Variants in LSAMP observed in about 807,000 individuals in gnomAD.
The protein encoded by LSAMP is limbic system-associated membrane protein.
In LSAMP, 7 loss-of-function variants were observed where a neutral mutation model predicts 38.6. The ratio of observed to expected loss-of-function variants is 0.18; its 90% CI spans 0.10 to 0.34. The LOEUF (loss-of-function observed/expected upper bound fraction) is 0.34, where lower values mean the gene tolerates loss of function less well. Among genes scored for constraint, LSAMP ranks in the 10% least tolerant of loss-of-function variants. LSAMP has a pLI of 1.00. For synonymous variants in LSAMP, 154 were observed against 166.8 expected, an observed-to-expected ratio of 0.92 and a Z score of 0.59; for missense variants, 313 against 420.0, an observed-to-expected ratio of 0.75 and a Z score of 2.23.
intron 1 of LSAMP, 35 bp from the exon 2 acceptor site, chr3:116,086,591 C>A (rs1707994258): frequency 1.3e-6 from 2 of 1,524,992 alleles, no homozygotes; most frequent in Non-Finnish European, 1.8e-6. Flanking sequence ...AGTGCCTTAA[C>A]AACAACTATT....
intron 6 of LSAMP, among the ~76,000 whole-genome samples, chr3:115,823,874 C>T (rs185315493): frequency 2.4e-4 from 37 of 152,262 alleles, no homozygotes; most frequent in African/African-American, 8.4e-4. Context: ...TGATGAGGTC[C>T]TACTGACCAG....
At chr3:115,980,409 AAGG>A (rs1434844220) in intron 3 of LSAMP, among the ~76,000 whole-genome samples, 11 of 152,092 alleles carry the variant, frequency 7.2e-5, no homozygotes, top group Non-Finnish European at 1.6e-4. Context: ...TTCTGTGTAA[AAGG>A]AAAATAAGCC....
chr3:115,859,149 C>T (rs568333248), intron 3 of LSAMP, among the ~76,000 whole-genome samples: 19 of 152,288 alleles, frequency 1.2e-4, no homozygotes, highest in Admixed American at 1.1e-3. Context: ...ACCTGAGAGA[C>T]CCCTTAGTGT....
Position 116,270,254 on chromosome 3 carries a change from G to A in LSAMP, c.155+174623C>T, listed in dbSNP as rs909045072. Among the ~76,000 whole-genome samples the A allele has an allele frequency of 2.6e-5, 4 of 152,058 alleles. No individual in the cohort carries two copies. The South Asian group carries it at 8.3e-4, about 32-fold the overall frequency. ...GGAAATTTTCACTGTGATGATAAAC[G>A]GAAATGATAAAAGACTGCTGCTGTA... On this transcript the variant is annotated intron_variant, in intron 1 of 6. Coordinates refer to ENST00000490035, the MANE Select transcript of LSAMP (RefSeq NM_002338.5).
intron 1 of LSAMP, among the ~76,000 whole-genome samples, chr3:116,265,121 G>A (rs1239132545): frequency 6.6e-6 from 1 of 151,966 alleles, no homozygotes; most frequent in Admixed American, 6.5e-5. Flanking sequence ...CGATTTTGAA[G>A]GGTTTTAGGA....
chr3:116,168,344 G>T (rs1405170100), intron 1 of LSAMP, among the ~76,000 whole-genome samples: 1 of 151,868 alleles, frequency 6.6e-6, no homozygotes, highest in Non-Finnish European at 1.5e-5. Flanking sequence ...GAGAATCAAA[G>T]AACATTCATT....
At chr3:116,241,924 A>G (rs2046540950) in intron 1 of LSAMP, among the ~76,000 whole-genome samples, 1 of 152,256 alleles carries the variant, frequency 6.6e-6, no homozygotes. Context: ...ATTTGGATTC[A>G]TCACCTTTCA....
At chr3:116,320,777 A>G (rs2047696991) in intron 1 of LSAMP, among the ~76,000 whole-genome samples, 1 of 152,140 alleles carries the variant, frequency 6.6e-6, no homozygotes, top group African/African-American at 2.4e-5. Flanking sequence ...TGGCAGCACT[A>G]GCACAGTGAC....
At chr3:116,021,924 T>G (rs537601080) in intron 2 of LSAMP, among the ~76,000 whole-genome samples, 1 of 152,186 alleles carries the variant, frequency 6.6e-6, no homozygotes, top group East Asian at 1.9e-4. Context: ...AAGTTGGGAA[T>G]AAAATCTAGA....
Position 116,318,068 on chromosome 3 carries a change from G to A in LSAMP, c.155+126809C>T, listed in dbSNP as rs565122130. 1.0e-4 allele frequency among the ~76,000 whole-genome samples: 15 copies of A among 149,986 alleles called. No individual in the cohort carries two copies. In the East Asian group the frequency reaches 1.4e-3, roughly 14 times the overall value. Reference sequence around the variant, plus strand: ...GGAAAATTGCTTGAACCCTGGAGGCGGAGGTTGCAGTGAGCCAAGATCGTG... The same window carrying A: ...GGAAAATTGCTTGAACCCTGGAGGCAGAGGTTGCAGTGAGCCAAGATCGTG... On this transcript the variant is annotated intron_variant, in intron 1 of 6. Transcript: ENST00000490035.
intron 3 of LSAMP, among the ~76,000 whole-genome samples, chr3:115,858,232 C>T (rs1935570169): frequency 6.6e-6 from 1 of 151,712 alleles, no homozygotes; most frequent in African/African-American, 2.4e-5. Context: ...TGTGTGTGAG[C>T]AGCACACACA....
intron 1 of LSAMP, among the ~76,000 whole-genome samples, chr3:116,219,799 T>C (rs2046260568): frequency 6.6e-6 from 1 of 152,122 alleles, no homozygotes; most frequent in Non-Finnish European, 1.5e-5. Context: ...ACAAATAAGC[T>C]AGGTATCTGA....
intron 1 of LSAMP, among the ~76,000 whole-genome samples, chr3:116,200,683 T>C (rs2045976998): frequency 6.6e-6 from 1 of 152,214 alleles, no homozygotes; most frequent in Non-Finnish European, 1.5e-5. Flanking sequence ...TTCAACAGGT[T>C]AAAGCTACAT....
intron 3 of LSAMP, among the ~76,000 whole-genome samples, chr3:115,970,556 C>G (rs982935267): frequency 2.0e-5 from 3 of 152,124 alleles, no homozygotes; most frequent in Non-Finnish European, 2.9e-5. Context: ...CCTTAGTGTA[C>G]TTGGGGCTGT....
chr3:116,349,359 G>C (rs917422432), intron 1 of LSAMP, among the ~76,000 whole-genome samples: 1 of 151,614 alleles, frequency 6.6e-6, no homozygotes, highest in Non-Finnish European at 1.5e-5. Context: ...AAATATATTA[G>C]ATATGTGTCT....
intron 1 of LSAMP, among the ~76,000 whole-genome samples, chr3:116,094,089 T>C (rs141103854): frequency 3.3e-5 from 5 of 152,272 alleles, no homozygotes; most frequent in South Asian, 2.1e-4. Flanking sequence ...CCAACAACTA[T>C]GCAAACACAT....
chr3:115,975,993 A>G (rs911861138), intron 3 of LSAMP, among the ~76,000 whole-genome samples: 4 of 152,142 alleles, frequency 2.6e-5, no homozygotes, highest in African/African-American at 9.7e-5. Flanking sequence ...CAGCTCTTTC[A>G]TGGTAATCAT....
At chr3:115,886,798 T>G (rs1345079055) in intron 3 of LSAMP, among the ~76,000 whole-genome samples, 4 of 151,974 alleles carry the variant, frequency 2.6e-5, no homozygotes, top group Non-Finnish European at 5.9e-5. Context: ...GGATATCATC[T>G]TAGGTTAACA....
chr3:116,376,032 A>G (rs1242276036), intron 1 of LSAMP, among the ~76,000 whole-genome samples: 3 of 152,024 alleles, frequency 2.0e-5, no homozygotes, highest in Non-Finnish European at 4.4e-5. Flanking sequence ...GCTAATATTC[A>G]GAGGCCTGCT....
Sources: allele counts gnomAD v4.1 joint callset (sites outside exome capture counted in the v4.1 genomes callset), GRCh38; gene constraint gnomAD v4.1.1; transcripts MANE v1.5; gene names NCBI Gene and HGNC (gene_info 2026-07-23, HGNC 2026-07-21).